Variants in BRD4 observed in about 807,000 individuals in gnomAD.
The protein encoded by BRD4 is bromodomain-containing protein 4.
BRD4 carries 16 observed loss-of-function variants against 142.1 expected under a neutral mutation model. The ratio of observed to expected loss-of-function variants is 0.11; its 90% confidence interval spans 0.08 to 0.17. BRD4 has a LOEUF of 0.17. BRD4 is among the 10% of genes least tolerant of loss of function. The pLI is 1.00. For missense variants in BRD4, 1,424 were observed against 1,810.9 expected, an observed-to-expected ratio of 0.79 and a Z score of 3.88; for synonymous variants, 833 against 707.5, an observed-to-expected ratio of 1.18 and a Z score of -2.82.
intron 1 of BRD4, among the ~76,000 whole-genome samples, chr19:15,326,089 A>G (rs1297973433): frequency 6.7e-6 from 1 of 150,258 alleles, no homozygotes; most frequent in Non-Finnish European, 1.5e-5. Context: ...GTTATGGTAC[A>G]TTCATACGAC....
At chr19:15,289,785 T>A (rs2047767883) in intron 1 of BRD4, among the ~76,000 whole-genome samples, 1 of 151,802 alleles carries the variant, frequency 6.6e-6, no homozygotes, top group African/African-American at 2.4e-5. Context: ...ATGGGAGAAG[T>A]GTGCTTGTAA....
chr19:15,309,429 C>T (rs1281770513), intron 1 of BRD4, among the ~76,000 whole-genome samples: 1 of 151,688 alleles, frequency 6.6e-6, no homozygotes, highest in East Asian at 1.9e-4. Context: ...CAACAATTGT[C>T]GGCAAAGATG....
Position 15,249,150 on chromosome 19 carries a change from A to G in BRD4, c.2159-4388T>C, listed in dbSNP as rs2047318416. On this transcript the variant is annotated intron_variant, in intron 11 of 19. Transcript: ENST00000679869. ...CTAATCCACCCCGGGGGACAGGCCC[A>G]GGGCTCTGAGGAATTCCATAACTTG... is the stretch of plus-strand genomic sequence containing the variant. 1.0e-5 allele frequency: 15 copies of G among 1,485,670 alleles called. 1 individual carries two copies. In the South Asian group the frequency reaches 1.8e-4, roughly 18 times the overall value. 92.0% of individuals were successfully genotyped at this position (1,485,670 alleles called of 1,614,324 possible).
chr19:15,244,319 C>T lies in BRD4; in HGVS notation c.2493G>A (p.Pro831=), dbSNP rs200122699. 105 of 1,598,112 alleles carry T rather than the reference C, an allele frequency of 6.6e-5. 1 individual carries two copies. The South Asian group carries it at 7.6e-4, about 12-fold the overall frequency. The change falls in exon 13 of 20, where the codon CCG becomes CCA. Residue 831 remains proline, a synonymous_variant. Coordinates refer to ENST00000679869, the MANE Select transcript of BRD4 (RefSeq NM_001379291.1). ...GCAGGTGAGGGGGCAGCTCAGGCTG[C>T]GGCAGGTGCAGGATGGGCTGGGTGA... ...GHFTQPILHL[P]QPELPPHLPQ... is the part of the protein sequence containing the mutation.
rs528532659 is a variant in BRD4 at position 15,304,066 on chromosome 19, T to G, written c.-35+28224A>C. Among the ~76,000 whole-genome samples, 5 of 152,260 alleles carry G rather than the reference T, an allele frequency of 3.3e-5. No homozygotes were observed. The South Asian group carries it at 1.0e-3, about 32-fold the overall frequency. ...CATCCGTCACAGTGAAGGATTACCT[T>G]CATTATGTCCTCTCCAGAGGTAAAC... On this transcript the variant is annotated intron_variant, in intron 1 of 19. Coordinates refer to ENST00000679869, the MANE Select transcript of BRD4 (RefSeq NM_001379291.1).
rs532394393 is a variant in BRD4, at chr19:15,258,476, G to T, written c.1342-1303C>A. On this transcript the variant is annotated intron_variant, in intron 7 of 19. Coordinates refer to ENST00000679869, the MANE Select transcript of BRD4 (RefSeq NM_001379291.1). ...TTTTTGTATTTTTAGCAGAGGCAGC[G>T]TTCTACCATGTTGGCCAGGCTGGTC... is the stretch of plus-strand genomic sequence containing the variant. 7.2e-5 allele frequency among the ~76,000 whole-genome samples: 11 copies of T among 152,234 alleles called. No homozygotes were observed. In the South Asian group the frequency reaches 2.3e-3, roughly 32 times the overall value.
At chr19:15,257,293 TGGTGATCCTGTCTCTTTGCTG>T in intron 7 of BRD4, 120 bp from the exon 8 acceptor site, 3 of 959,274 alleles carry the variant, frequency 3.1e-6, no homozygotes, top group Non-Finnish European at 4.5e-6. Flanking sequence ...CGAAAGAGGA[TGGTGATCCTGTCTCTTTGCTG>T]CCGAGACAGG....
intron 7 of BRD4, among the ~76,000 whole-genome samples, chr19:15,261,460 C>A (rs1234720106): frequency 6.7e-6 from 1 of 150,140 alleles, no homozygotes; most frequent in African/African-American, 2.5e-5. Flanking sequence ...CCAGCCTGGG[C>A]GACAGAAAGA....
At chr19:15,291,754 G>A (rs568430728) in intron 1 of BRD4, among the ~76,000 whole-genome samples, 4 of 152,228 alleles carry the variant, frequency 2.6e-5, no homozygotes, top group Non-Finnish European at 4.4e-5. Flanking sequence ...TAAAGATAAT[G>A]AAAAACGACT....
At chr19:15,304,156 C>T (rs1381906342) in intron 1 of BRD4, among the ~76,000 whole-genome samples, 2 of 152,230 alleles carry the variant, frequency 1.3e-5, no homozygotes, top group South Asian at 2.1e-4. Context: ...CTCTATTCTT[C>T]CGCAAGTCAT....
intron 1 of BRD4, among the ~76,000 whole-genome samples, chr19:15,328,169 T>C (rs1313996350): frequency 1.3e-5 from 2 of 152,146 alleles, no homozygotes; most frequent in African/African-American, 2.4e-5. Flanking sequence ...ATTATACAAA[T>C]ATCTTTCAGT....
intron 11 of BRD4, chr19:15,248,928 C>A: frequency 2.6e-6 from 1 of 380,974 alleles, no homozygotes; most frequent in Non-Finnish European, 4.8e-6. Flanking sequence ...TGGCTTTGCA[C>A]ACAGAGTAGC....
chr19:15,257,417 C>A, intron 7 of BRD4: 1 of 548,924 alleles, frequency 1.8e-6, no homozygotes, highest in South Asian at 2.3e-5. Flanking sequence ...GATAGCGGGG[C>A]ACTCACTCCC....
rs747045733 is a variant in BRD4, at chr19:15,257,033, C to G, written c.1482G>C (p.Ser494=). 3 of 1,596,482 alleles carry G rather than the reference C, an allele frequency of 1.9e-6. No individual in the cohort carries two copies. Among genetic ancestry groups the G allele is most frequent in the Non-Finnish European group, 2.6e-6 (3 of 1,173,416 alleles). ...AGTCATCAGTCGAACTGTCACTGTC[C>G]GAGGAGCTATCGCTGCTGCTGTCGC... is the stretch of plus-strand genomic sequence containing the variant. ...SSSDSSSDSS[S]DSDSSTDDSE... The change falls in exon 8 of 20, where the codon TCG becomes TCC. Residue 494 remains serine, a synonymous_variant. Coordinates refer to ENST00000679869, the MANE Select transcript of BRD4 (RefSeq NM_001379291.1).
At chr19:15,256,594 G>A (rs533878861) in intron 8 of BRD4, among the ~76,000 whole-genome samples, 33 of 152,272 alleles carry the variant, frequency 2.2e-4, no homozygotes, top group Non-Finnish European at 3.1e-4. Context: ...AAGAGCACAC[G>A]GACACGTCAG....
chr19:15,284,431 G>C (rs1468543159), intron 1 of BRD4, among the ~76,000 whole-genome samples: 1 of 152,202 alleles, frequency 6.6e-6, no homozygotes, highest in Non-Finnish European at 1.5e-5. Context: ...AGTGAGAGCT[G>C]ACAGTGTCTC....
chr19:15,239,773 T>C lies in BRD4; in HGVS notation c.3331A>G (p.Lys1111Glu). The C allele has an allele frequency of 3.7e-6, 6 of 1,612,050 alleles. No homozygotes were observed. Among genetic ancestry groups the C allele is most frequent in the South Asian group, 1.1e-5 (1 of 91,064 alleles). The change falls in exon 16 of 20, where the codon AAG (lysine) becomes GAG (glutamate). Residue 1111 changes from lysine (K) to glutamate (E), a missense_variant. By Grantham distance (56) the Lys-to-Glu change is moderately conservative. Transcript: ENST00000679869. The surrounding 1 kb of genome is among the most constrained non-coding windows in gnomAD (Gnocchi z 7.4). The stretch of plus-strand genomic sequence containing the variant: ...ATGGGTGAGTGGATCTTCTCCTCCT[T>C]CACCACCACGAGGGGCTGGGGCTGG... ...VVQPQPLVVV[K>E]EEKIHSPIIR... is the part of the protein sequence containing the mutation.
At chr19:15,243,827 CCCAGGTGAGTGCTGT>C (rs2047260551) in intron 13 of BRD4, among the ~76,000 whole-genome samples, 1 of 152,182 alleles carries the variant, frequency 6.6e-6, no homozygotes. Flanking sequence ...CCCCATATCC[CCCAGGTGAGTGCTGT>C]CCAGGTTCCA....
intron 11 of BRD4, chr19:15,248,805 G>GA (rs2047314918): frequency 3.9e-6 from 1 of 256,450 alleles, no homozygotes; most frequent in Non-Finnish European, 7.5e-6. Context: ...TCCGCACACT[G>GA]AACGAGAGCT....
Sources: gnomAD v4.1 joint callset for allele counts (sites outside exome capture counted in the v4.1 genomes callset) on GRCh38, gnomAD v4.1.1 for gene constraint, Gnocchi (gnomAD v3.1) non-coding constraint, MANE v1.5 for transcripts, NCBI Gene and HGNC (gene_info 2026-07-23, HGNC 2026-07-21) for gene names.